The following SREK1 variants were observed in gnomAD, a reference collection of about 807,000 sequenced individuals.
SREK1 encodes splicing regulatory glutamine/lysine-rich protein 1.
Under a neutral mutation model 66.5 loss-of-function variants are expected in SREK1, and 13 were observed. The observed-to-expected ratio is 0.20, with a 90% confidence interval of 0.13 to 0.31. SREK1 has a LOEUF of 0.31. SREK1 is among the 10% of genes least tolerant of loss of function. The pLI is 1.00. For missense variants in SREK1, 607 were observed against 769.6 expected, an observed-to-expected ratio of 0.79 and a Z score of 2.50; for synonymous variants, 265 against 263.5, an observed-to-expected ratio of 1.01 and a Z score of -0.05.
intron 11 of SREK1, 65 bp downstream of exon 11, chr5:66,177,723 G>T: frequency 1.4e-6 from 2 of 1,387,050 alleles, no homozygotes; most frequent in Non-Finnish European, 1.9e-6. Flanking sequence ...AATGGTTTTA[G>T]ACTGAAAGCT....
intron 6 of SREK1, chr5:66,164,234 T>C (rs1744990200): frequency 6.6e-6 from 2 of 300,788 alleles, no homozygotes; most frequent in Non-Finnish European, 1.3e-5. Flanking sequence ...TACATATATT[T>C]AAAACGTTAC....
intron 1 of SREK1, among the ~76,000 whole-genome samples, chr5:66,145,573 AGTT>A (rs771574287): frequency 6.6e-6 from 1 of 152,022 alleles, no homozygotes; most frequent in African/African-American, 2.4e-5. Flanking sequence ...ACTATATAAA[AGTT>A]GTGTGGATAT....
intron 7 of SREK1, 77 bp downstream of exon 7, chr5:66,164,974 C>A: frequency 7.2e-7 from 1 of 1,388,794 alleles, no homozygotes; most frequent in Non-Finnish European, 9.7e-7. Context: ...GAGTTTTCGT[C>A]AAAATATCAG....
intron 1 of SREK1, among the ~76,000 whole-genome samples, chr5:66,152,082 T>A (rs1644794): frequency 0.077 from 11,781 of 152,162 alleles, 592 homozygotes; most frequent in East Asian, 0.27. Context: ...CCTGACCTCG[T>A]GATCCGCCCG....
chr5:66,177,788 T>C, intron 11 of SREK1, 130 bp downstream of exon 11: 5 of 680,400 alleles, frequency 7.3e-6, no homozygotes, highest in Non-Finnish European at 1.1e-5. Context: ...TTTAAAATAT[T>C]TAAAATATTT....
intron 1 of SREK1, among the ~76,000 whole-genome samples, chr5:66,146,559 A>C (rs1019612872): frequency 2.6e-5 from 4 of 152,060 alleles, no homozygotes; most frequent in African/African-American, 7.2e-5. Context: ...TAATATATAT[A>C]GGCCAGGCAA....
At position 66,162,453 on chromosome 5, in the gene SREK1, G is replaced by C. The variant is rs1439679003; in HGVS notation, c.616G>C (p.Val206Leu). The C allele has an allele frequency of 1.9e-6, 3 of 1,613,908 alleles. No individual in the cohort carries two copies. Among genetic ancestry groups the C allele is most frequent in the Non-Finnish European group, 2.5e-6 (3 of 1,179,966 alleles). Residue 206 changes from valine (V) to leucine (L), a missense_variant, in exon 5 of 12, where the codon GTT (valine) becomes CTT (leucine). Transcript: ENST00000334121. ...TCAACTACTTGAATTTTTTAAACAA[G>C]TTGGAGAAGTGAAGTTTGTGCGGAT... ...ADQLLEFFKQ[V>L]GEVKFVRMAG...
chr5:66,164,751 G>A (rs1276233266), intron 6 of SREK1, 32 bp from the exon 7 acceptor site: 13 of 1,613,648 alleles, frequency 8.1e-6, no homozygotes, highest in Non-Finnish European at 1.1e-5. Flanking sequence ...ATTGTTCTGA[G>A]CTTACACTGC....
At chr5:66,162,675 T>C in intron 5 of SREK1, 83 bp downstream of exon 5, 2 of 1,359,072 alleles carry the variant, frequency 1.5e-6, no homozygotes, top group East Asian at 2.4e-5. Flanking sequence ...TTTTTTTCTT[T>C]TTAATAGTAA....
intron 2 of SREK1, chr5:66,158,090 C>T (rs1263632643): frequency 1.3e-5 from 2 of 149,714 alleles, no homozygotes; most frequent in East Asian, 3.9e-4. Flanking sequence ...AATATATCCA[C>T]ATGTAGTCAA....
chr5:66,164,081 A>G (rs1024663390), intron 6 of SREK1, 159 bp downstream of exon 6: 11 of 826,448 alleles, frequency 1.3e-5, no homozygotes, highest in Non-Finnish European at 1.8e-5. Flanking sequence ...TCAAAGAACA[A>G]CTTAGCCCAT....
At position 66,163,782 on chromosome 5, in the gene SREK1, T is replaced by G; in HGVS notation, c.756-10T>G. ...TGTGTATTTGTGATATGCTAATATT[T>G]TTAATTTAGAATAAATCACTCCAAC... On this transcript the variant is annotated splice_polypyrimidine_tract_variant and intron_variant, in intron 5 of 11. Coordinates refer to ENST00000334121, the MANE Select transcript of SREK1 (RefSeq NM_001077199.3). The G allele has an allele frequency of 6.2e-7, 1 of 1,606,702 alleles. No individual in the cohort carries two copies. The highest frequency in any genetic ancestry group is 8.5e-7 in the Non-Finnish European group (1 of 1,176,718).
At chr5:66,150,015 A>G (rs1021298501) in intron 1 of SREK1, among the ~76,000 whole-genome samples, 4 of 152,158 alleles carry the variant, frequency 2.6e-5, no homozygotes, top group African/African-American at 4.8e-5. Flanking sequence ...TTGCATACCT[A>G]TTATGTACTC....
intron 7 of SREK1, chr5:66,167,832 A>T: frequency 6.6e-6 from 1 of 152,238 alleles, no homozygotes; most frequent in South Asian, 2.1e-4. Context: ...AGCAAGGACA[A>T]CTTAAAACAG....
chr5:66,152,817 C>T (rs1023543597), intron 1 of SREK1, among the ~76,000 whole-genome samples: 7 of 152,084 alleles, frequency 4.6e-5, no homozygotes, highest in African/African-American at 1.4e-4. Flanking sequence ...AGGAAAAGTT[C>T]CTTTCATTTG....
intron 3 of SREK1, among the ~76,000 whole-genome samples, chr5:66,161,365 A>G (rs1466055705): frequency 1.3e-5 from 2 of 152,222 alleles, no homozygotes; most frequent in Admixed American, 6.5e-5. Flanking sequence ...CAGAGTGGTG[A>G]AAAATTGGGG....
chr5:66,152,962 G>A (rs989209500), intron 1 of SREK1, among the ~76,000 whole-genome samples: 3 of 152,054 alleles, frequency 2.0e-5, no homozygotes, highest in African/African-American at 7.2e-5. Context: ...AATCATCACT[G>A]TCCAGCTCTG....
intron 1 of SREK1, among the ~76,000 whole-genome samples, chr5:66,145,547 A>G (rs751651678): frequency 2.0e-5 from 3 of 152,114 alleles, no homozygotes; most frequent in Admixed American, 1.3e-4. Flanking sequence ...TCAGGTTATA[A>G]CAGTGCTGTT....
At chr5:66,156,807 C>T in intron 2 of SREK1, 1 of 985,254 alleles carries the variant, frequency 1.0e-6, no homozygotes, top group Non-Finnish European at 1.2e-6. Flanking sequence ...ATTTGAGAAA[C>T]TTAAGTATTT....
Sources: gnomAD v4.1 joint callset for allele counts (sites outside exome capture counted in the v4.1 genomes callset) on GRCh38, gnomAD v4.1.1 for gene constraint, MANE v1.5 for transcripts, NCBI Gene and HGNC (gene_info 2026-07-23, HGNC 2026-07-21) for gene names.